ATP9B: variants seen among roughly 807,000 people sequenced by gnomAD.
ATP9B encodes ATPase phospholipid transporting 9B.
A neutral mutation model predicts 146.1 loss-of-function variants in ATP9B; 110 were observed. The ratio of observed to expected loss-of-function variants is 0.75; its 90% CI spans 0.65 to 0.88. The LOEUF (loss-of-function observed/expected upper bound fraction) is 0.88. Among genes scored for constraint, ATP9B ranks in the 40% least tolerant of loss-of-function variants. The probability of loss-of-function intolerance (pLI) is 0.00; values close to 1 mark genes in which losing one functional copy is unlikely to be tolerated. For synonymous variants in ATP9B, 604 were observed against 569.7 expected (o/e 1.06, Z -0.86); for missense variants, 1,499 against 1,496.4 (o/e 1.00, Z -0.03).
At chr18:79,276,801 T>C (rs1330421699) in intron 12 of ATP9B, among the ~76,000 whole-genome samples, 1 of 152,268 alleles carries the variant, frequency 6.6e-6, no homozygotes, top group African/African-American at 2.4e-5. Context: ...TCCAATATTA[T>C]GTATTTTCAT....
At chr18:79,139,111 G>C (rs901084277) in intron 5 of ATP9B, among the ~76,000 whole-genome samples, 3 of 152,092 alleles carry the variant, frequency 2.0e-5, no homozygotes, top group South Asian at 4.1e-4. Flanking sequence ...TGTGTGTTTG[G>C]ATATAAATAC....
At chr18:79,196,037 A>G (rs754370063) in intron 9 of ATP9B, among the ~76,000 whole-genome samples, 12 of 152,216 alleles carry the variant, frequency 7.9e-5, no homozygotes, top group Non-Finnish European at 1.6e-4. Context: ...TTACATATAC[A>G]GGGAAAAATC....
At chr18:79,188,097 A>G (rs1001032917) in intron 8 of ATP9B, among the ~76,000 whole-genome samples, 3 of 152,142 alleles carry the variant, frequency 2.0e-5, no homozygotes, top group Non-Finnish European at 4.4e-5. Context: ...TCAACAGGAA[A>G]GAGAAAGCCC....
intron 12 of ATP9B, among the ~76,000 whole-genome samples, chr18:79,256,286 T>TATATATATATATATATATATATACACAC (rs398033647): frequency 8.1e-6 from 1 of 123,074 alleles, no homozygotes; most frequent in African/African-American, 3.2e-5. Flanking sequence ...TATATATATA[T>TATATATATATATATATATATATACACAC]ACATACATAG....
chr18:79,190,509 T>TAA lies in ATP9B; in HGVS notation c.874-2673_874-2672insAA, dbSNP rs1491116061. On this transcript the variant is annotated intron_variant, in intron 8 of 29. Coordinates refer to ENST00000426216, the MANE Select transcript of ATP9B (RefSeq NM_198531.5). Reference sequence around the variant, plus strand: ...ATAAACTGTTCCAGCCCTTTTTATTTATACACACACACACACACACACACA... The same window carrying TAA: ...ATAAACTGTTCCAGCCCTTTTTATTTAAATACACACACACACACACACACACA... 6.3e-5 allele frequency among the ~76,000 whole-genome samples: 6 copies of TAA among 95,408 alleles called. No homozygotes were observed. The Admixed American group carries it at 6.7e-4, about 11-fold the overall frequency. 62.6% of individuals were successfully genotyped at this position (95,408 alleles called of 152,430 possible).
intron 11 of ATP9B, among the ~76,000 whole-genome samples, chr18:79,240,151 C>T (rs1316955564): frequency 1.3e-5 from 2 of 152,218 alleles, no homozygotes; most frequent in Non-Finnish European, 2.9e-5. Context: ...CTTTGCTGGA[C>T]TCAATATTCC....
At chr18:79,336,066 TCC>T (rs2096823637) in intron 17 of ATP9B, among the ~76,000 whole-genome samples, 1 of 139,286 alleles carries the variant, frequency 7.2e-6, no homozygotes, top group African/African-American at 2.7e-5. Flanking sequence ...CACCAGGTGC[TCC>T]CCTCGCCCGT....
intron 2 of ATP9B, among the ~76,000 whole-genome samples, chr18:79,103,084 G>A (rs980220039): frequency 3.3e-5 from 5 of 152,136 alleles, no homozygotes; most frequent in East Asian, 3.9e-4. Flanking sequence ...TACTTCTTCC[G>A]TTATGGTCTG....
intron 1 of ATP9B, among the ~76,000 whole-genome samples, chr18:79,082,732 G>C (rs990730141): frequency 2.6e-5 from 4 of 152,352 alleles, no homozygotes; most frequent in African/African-American, 9.6e-5. Flanking sequence ...TTCACCAGCG[G>C]AGGTTGCAGA....
At chr18:79,205,252 A>T (rs2095522894) in intron 9 of ATP9B, among the ~76,000 whole-genome samples, 1 of 98,048 alleles carries the variant, frequency 1.0e-5, no homozygotes, top group Non-Finnish European at 2.1e-5. Context: ...GGAAACTGTT[A>T]GGATTGGTTT....
intron 19 of ATP9B, among the ~76,000 whole-genome samples, chr18:79,338,531 C>T (rs972246833): frequency 2.0e-5 from 3 of 152,108 alleles, no homozygotes; most frequent in African/African-American, 4.8e-5. Context: ...ATATGGTGTC[C>T]GTGAAATTCG....
chr18:79,299,811 T>TGAG (rs2096577883), intron 13 of ATP9B: 1 of 152,132 alleles, frequency 6.6e-6, no homozygotes, highest in Non-Finnish European at 1.5e-5. Flanking sequence ...TTTTCATGAG[T>TGAG]TTTTGCCAAA....
At position 79,372,642 on chromosome 18, in the gene ATP9B, C is replaced by A. The variant is rs967169667; in HGVS notation, c.3013-183C>A. The A allele has an allele frequency of 4.6e-5, 31 of 677,662 alleles. No individual in the cohort carries two copies. In the African/African-American group the frequency reaches 5.3e-4, roughly 12 times the overall value. The allele number at this position is 677,662 out of a possible 1,614,324, so 42.0% of individuals were successfully genotyped here. Reference sequence around the variant, plus strand: ...GTGGACACGTGTGGGACCCAGGCAGCTTCTTCAGGATTCGGGTGTCAGGAA... The same window carrying A: ...GTGGACACGTGTGGGACCCAGGCAGATTCTTCAGGATTCGGGTGTCAGGAA... On this transcript the variant is annotated intron_variant, in intron 26 of 29. Transcript: ENST00000426216.
chr18:79,170,604 A>G (rs1404585543), intron 7 of ATP9B, among the ~76,000 whole-genome samples: 1 of 152,050 alleles, frequency 6.6e-6, no homozygotes, highest in East Asian at 1.9e-4. Flanking sequence ...ATCTTAATAT[A>G]TTTTTTAGGT....
intron 12 of ATP9B, among the ~76,000 whole-genome samples, chr18:79,266,505 A>G (rs2096205622): frequency 6.6e-6 from 1 of 152,086 alleles, no homozygotes; most frequent in African/African-American, 2.4e-5. Flanking sequence ...AAAAGTGATT[A>G]TAATAAACAT....
At chr18:79,238,515 C>A (rs988721231) in intron 11 of ATP9B, among the ~76,000 whole-genome samples, 1 of 152,168 alleles carries the variant, frequency 6.6e-6, no homozygotes, top group Non-Finnish European at 1.5e-5. Flanking sequence ...TTTCTGTGCC[C>A]CCTCCGTGTA....
intron 9 of ATP9B, among the ~76,000 whole-genome samples, chr18:79,198,791 A>G (rs7505945): frequency 0.56 from 85,410 of 152,076 alleles, 25,724 homozygotes; most frequent in African/African-American, 0.79. Flanking sequence ...TTCCAGAACT[A>G]GAAGTTGGTC....
chr18:79,277,836 CAAGTAATTCTTAGTGAACTA>C (rs1413930541), intron 13 of ATP9B, among the ~76,000 whole-genome samples: 1 of 152,072 alleles, frequency 6.6e-6, no homozygotes, highest in East Asian at 1.9e-4. Context: ...ATTTAAATTG[CAAGTAATTCTTAGTGAACTA>C]AAAATAAAAG....
chr18:79,240,638 C>T (rs1425136348), intron 11 of ATP9B, among the ~76,000 whole-genome samples: 1 of 152,126 alleles, frequency 6.6e-6, no homozygotes, highest in East Asian at 1.9e-4. Context: ...CCAGCTACTC[C>T]AGAGGCTGAG....
Sources: gnomAD v4.1 joint callset for allele counts (sites outside exome capture counted in the v4.1 genomes callset) on GRCh38, gnomAD v4.1.1 for gene constraint, MANE v1.5 for transcripts, NCBI Gene and HGNC (gene_info 2026-07-23, HGNC 2026-07-21) for gene names.